S100Z: variants seen among roughly 807,000 people sequenced by gnomAD.
The protein encoded by S100Z is protein S100-Z.
Under a neutral mutation model 8.5 loss-of-function variants are expected in S100Z, and 11 were observed. The ratio of observed to expected loss-of-function variants is 1.30; its 90% CI spans 0.82 to 2.15. S100Z has a LOEUF of 2.15. Among genes scored for constraint, S100Z ranks in the 30% most tolerant of loss-of-function variants. S100Z has a pLI of 0.00. For synonymous variants in S100Z, 34 were observed against 43.8 expected (o/e 0.78, Z 0.89); for missense variants, 126 against 117.9 (o/e 1.07, Z -0.32).
At chr5:76,913,619 A>G (rs1696755891) in intron 4 of S100Z, among the ~76,000 whole-genome samples, 2 of 152,248 alleles carry the variant, frequency 1.3e-5, no homozygotes, top group Admixed American at 6.5e-5. Flanking sequence ...AACATGTATT[A>G]TCCTACTACC....
intron 4 of S100Z, among the ~76,000 whole-genome samples, chr5:76,907,005 TATATATATATATATATATAC>T (rs1409540985): frequency 1.8e-4 from 3 of 16,838 alleles, no homozygotes; most frequent in African/African-American, 6.7e-4. Context: ...TATATATATA[TATATATATATATATATATAC>T]ATATATATAT....
At chr5:76,949,718 ATACTG>A in the S100Z span, among the ~76,000 whole-genome samples, 1 of 152,244 alleles carries the variant, frequency 6.6e-6, no homozygotes, top group Admixed American at 6.5e-5. Context: ...AAAAGGGCAA[ATACTG>A]TACGATTACA....
At chr5:76,871,891 A>ATGT (rs1743022965) in intron 2 of S100Z, among the ~76,000 whole-genome samples, 1 of 152,162 alleles carries the variant, frequency 6.6e-6, no homozygotes, top group Admixed American at 6.5e-5. Context: ...AGCCAAACCA[A>ATGT]TGTACACCTT....
intron 1 of S100Z, among the ~76,000 whole-genome samples, chr5:76,862,135 G>GTGTA (rs1350118958): frequency 3.4e-5 from 5 of 147,060 alleles, no homozygotes; most frequent in Admixed American, 1.4e-4. Context: ...GTGTGCGTGT[G>GTGTA]TGTGTGTGTG....
At chr5:76,923,855 C>T (rs897609783), downstream of S100Z, among the ~76,000 whole-genome samples, 19 of 152,168 alleles carry the variant, frequency 1.2e-4, no homozygotes, top group Admixed American at 1.2e-3. Flanking sequence ...AAAGAAATGA[C>T]ACTCCAAAAT....
At chr5:76,864,391 T>A (rs1383837343) in intron 1 of S100Z, among the ~76,000 whole-genome samples, 10 of 36,190 alleles carry the variant, frequency 2.8e-4, no homozygotes, top group East Asian at 1.1e-3. Flanking sequence ...ACTATATTTT[T>A]TTTTTTTTTT....
In S100Z at chr5:76,914,244, G is replaced by T. The variant is rs185516042; in HGVS notation, c.*3-6473G>T. 2.0e-5 allele frequency among the ~76,000 whole-genome samples: 3 copies of T among 152,068 alleles called. No homozygotes were observed. The East Asian group carries it at 5.8e-4, about 29-fold the overall frequency. Reference sequence around the variant, plus strand: ...TTCCCAACAGCAGTTGGGGCATCCTGTTTAGAGGGGGGATTGAGAGGTGAA... The same window carrying T: ...TTCCCAACAGCAGTTGGGGCATCCTTTTTAGAGGGGGGATTGAGAGGTGAA... On this transcript the variant is annotated intron_variant, in intron 4 of 4. Coordinates refer to ENST00000317593, the MANE Select transcript of S100Z (RefSeq NM_130772.4).
intron 1 of S100Z, among the ~76,000 whole-genome samples, chr5:76,859,811 T>C (rs1751003954): frequency 7.1e-6 from 1 of 140,960 alleles, no homozygotes. Context: ...GAAGCCTTCA[T>C]CACAGGGAGG....
chr5:76,872,345 C>T (rs770511658), intron 2 of S100Z, among the ~76,000 whole-genome samples: 5 of 152,062 alleles, frequency 3.3e-5, no homozygotes, highest in African/African-American at 4.8e-5. Context: ...TCACTCATAT[C>T]GGCTCAAAAT....
downstream of S100Z, among the ~76,000 whole-genome samples, chr5:76,921,988 CAA>C (rs35018497): frequency 6.7e-4 from 77 of 114,698 alleles, no homozygotes; most frequent in Non-Finnish European, 7.1e-4. Flanking sequence ...GAGACTGTCT[CAA>C]AAAAAAAAAA....
intron 4 of S100Z, among the ~76,000 whole-genome samples, chr5:76,895,477 TA>T (rs575727574): frequency 3.3e-5 from 5 of 151,268 alleles, no homozygotes; most frequent in Non-Finnish European, 5.9e-5. Flanking sequence ...AATGACAGTT[TA>T]AAAAAAAACC....
downstream of S100Z, among the ~76,000 whole-genome samples, chr5:76,925,704 T>C (rs1036876140): frequency 6.6e-6 from 1 of 152,124 alleles, no homozygotes; most frequent in African/African-American, 2.4e-5. Flanking sequence ...TGGTGGCTCA[T>C]GCCTGTGATC....
chr5:76,869,042 C>T (rs554017975), intron 1 of S100Z, among the ~76,000 whole-genome samples: 5 of 152,314 alleles, frequency 3.3e-5, no homozygotes, highest in African/African-American at 1.2e-4. Context: ...GGCAGTTAAA[C>T]TAGACAAGGC....
chr5:76,870,458 A>C (rs1036071122), intron 2 of S100Z, among the ~76,000 whole-genome samples, 174 bp downstream of exon 2: 4 of 152,284 alleles, frequency 2.6e-5, no homozygotes, highest in African/African-American at 4.8e-5. Flanking sequence ...TGAACCCCCA[A>C]GGCCTGTGTA....
rs568839252 is a variant in S100Z, at chr5:76,897,698, C to A, written c.*2+19864C>A. 5.9e-4 allele frequency among the ~76,000 whole-genome samples: 89 copies of A among 152,060 alleles called. 3 individuals are homozygous for A. The South Asian group carries it at 0.018, about 30-fold the overall frequency. On this transcript the variant is annotated intron_variant, in intron 4 of 4. Coordinates refer to ENST00000317593, the MANE Select transcript of S100Z (RefSeq NM_130772.4). ...TTTTCATTACAGAGATCTTTCACTT[C>A]TTTGGTTATCTTAATTCCTATGTAT...
chr5:76,918,262 A>C (rs1744916369), intron 4 of S100Z, among the ~76,000 whole-genome samples: 1 of 152,194 alleles, frequency 6.6e-6, no homozygotes, highest in Admixed American at 6.5e-5. Context: ...GCTTGAGTGC[A>C]GTGGTACAAT....
chr5:76,943,136 G>C, the S100Z span, among the ~76,000 whole-genome samples: 1 of 152,160 alleles, frequency 6.6e-6, no homozygotes, highest in African/African-American at 2.4e-5. Context: ...GGTGCAGTCA[G>C]ATGGTGGCTG....
chr5:76,858,043 G>T (rs1750933967), intron 1 of S100Z, among the ~76,000 whole-genome samples: 1 of 152,204 alleles, frequency 6.6e-6, no homozygotes, highest in South Asian at 2.1e-4. Context: ...GCCAGAACCA[G>T]TTTTGCTTTG....
intron 4 of S100Z, among the ~76,000 whole-genome samples, chr5:76,880,559 G>T (rs141253268): frequency 6.6e-6 from 1 of 152,094 alleles, no homozygotes; most frequent in South Asian, 2.1e-4. Context: ...AACATTTGTC[G>T]TATAGAATGA....
Sources: allele counts gnomAD v4.1 joint callset (sites outside exome capture counted in the v4.1 genomes callset), GRCh38; gene constraint gnomAD v4.1.1; transcripts MANE v1.5; gene names NCBI Gene and HGNC (gene_info 2026-07-23, HGNC 2026-07-21).